The following ARHGAP15 variants were observed in gnomAD, a reference collection of about 807,000 sequenced individuals.
ARHGAP15 encodes the protein Rho GTPase activating protein 15.
A neutral mutation model predicts 63.7 loss-of-function variants in ARHGAP15; 51 were observed. That is an observed-to-expected ratio of 0.80 (90% CI 0.64 to 1.01). The LOEUF (loss-of-function observed/expected upper bound fraction) is 1.01, where lower values mean the gene tolerates loss of function less well. Among genes scored for constraint, ARHGAP15 ranks in the 50% least tolerant of loss-of-function variants. ARHGAP15 has a pLI of 0.00. For synonymous variants in ARHGAP15, 191 were observed against 193.8 expected, an observed-to-expected ratio of 0.99 and a Z score of 0.12; for missense variants, 560 against 564.6, an observed-to-expected ratio of 0.99 and a Z score of 0.08.
At chr2:143,577,906 G>A (rs550710273) in intron 11 of ARHGAP15, among the ~76,000 whole-genome samples, 2 of 152,262 alleles carry the variant, frequency 1.3e-5, no homozygotes, top group East Asian at 3.9e-4. Flanking sequence ...CAACGAGTAA[G>A]TGAATTTTTA....
At chr2:143,514,229 TACTG>T (rs936869657) in intron 9 of ARHGAP15, among the ~76,000 whole-genome samples, 1 of 152,206 alleles carries the variant, frequency 6.6e-6, no homozygotes, top group African/African-American at 2.4e-5. Context: ...ATGAAATAGT[TACTG>T]AATGAATAAA....
intron 2 of ARHGAP15, among the ~76,000 whole-genome samples, chr2:143,165,186 A>G (rs1690451194): frequency 6.6e-6 from 1 of 152,076 alleles, no homozygotes; most frequent in African/African-American, 2.4e-5. Context: ...TGTTTTGTGT[A>G]AGTACCTTTC....
At chr2:143,356,788 A>G (rs1271154874) in intron 6 of ARHGAP15, among the ~76,000 whole-genome samples, 1 of 152,152 alleles carries the variant, frequency 6.6e-6, no homozygotes, top group African/African-American at 2.4e-5. Context: ...GAACACTTGC[A>G]TATACAAAAA....
intron 6 of ARHGAP15, among the ~76,000 whole-genome samples, chr2:143,370,444 CA>C (rs1686499396): frequency 6.6e-6 from 1 of 152,064 alleles, no homozygotes; most frequent in Non-Finnish European, 1.5e-5. Context: ...CACATGTATA[CA>C]TATGTAACTA....
At chr2:143,723,826 A>AG (rs1049164439) in intron 13 of ARHGAP15, among the ~76,000 whole-genome samples, 3 of 152,246 alleles carry the variant, frequency 2.0e-5, no homozygotes, top group Non-Finnish European at 4.4e-5. Flanking sequence ...GTAGACACAG[A>AG]GAAAAACTGT....
chr2:143,309,250 C>G (rs74952529), intron 6 of ARHGAP15, among the ~76,000 whole-genome samples: 3,859 of 152,068 alleles, frequency 0.025, 166 homozygotes, highest in African/African-American at 0.087. Flanking sequence ...GGAACTTTGG[C>G]CAATACATCA....
rs991850188 is a variant in ARHGAP15, at chr2:143,652,970, C to T, written c.1138+28703C>T. On this transcript the variant is annotated intron_variant, in intron 12 of 13. Coordinates refer to ENST00000295095, the MANE Select transcript of ARHGAP15 (RefSeq NM_018460.4). ...GTAGAAATGATGAGAGTGGACATTT[C>T]TGTCCTGTTCTCTTCTTTAGATGGA... is the stretch of plus-strand genomic sequence containing the variant. Among the ~76,000 whole-genome samples the T allele has an allele frequency of 2.0e-5, 3 of 151,998 alleles. 1 individual carries two copies. Among genetic ancestry groups the T allele is most frequent in the Non-Finnish European group, 4.4e-5 (3 of 67,926 alleles).
chr2:143,664,744 G>A (rs866506098), intron 12 of ARHGAP15, among the ~76,000 whole-genome samples: 20 of 152,186 alleles, frequency 1.3e-4, no homozygotes, highest in Admixed American at 5.2e-4. Context: ...TATCACCACC[G>A]ATCCCACAGA....
chr2:143,317,396 GAAAT>G (rs1052312758), intron 6 of ARHGAP15, among the ~76,000 whole-genome samples: 15 of 152,164 alleles, frequency 9.9e-5, no homozygotes, highest in Admixed American at 2.0e-4. Flanking sequence ...ATGCTTTTGA[GAAAT>G]AAATACATGA....
intron 12 of ARHGAP15, among the ~76,000 whole-genome samples, chr2:143,674,973 A>G (rs1199979556): frequency 6.6e-6 from 1 of 152,188 alleles, no homozygotes; most frequent in African/African-American, 2.4e-5. Flanking sequence ...TTCACAAAAA[A>G]TTGCTCTAGC....
At chr2:143,577,485 G>C (rs1179174410) in intron 11 of ARHGAP15, among the ~76,000 whole-genome samples, 1 of 152,014 alleles carries the variant, frequency 6.6e-6, no homozygotes, top group Non-Finnish European at 1.5e-5. Context: ...AAATGATGCA[G>C]CTTCAAGCAT....
At chr2:143,270,488 G>A (rs1238238130) in intron 6 of ARHGAP15, among the ~76,000 whole-genome samples, 5 of 152,132 alleles carry the variant, frequency 3.3e-5, no homozygotes, top group African/African-American at 1.2e-4. Context: ...TATTTAATAT[G>A]TTCATAATTT....
intron 9 of ARHGAP15, among the ~76,000 whole-genome samples, chr2:143,516,466 T>C (rs1309528283): frequency 6.6e-6 from 1 of 152,204 alleles, no homozygotes; most frequent in Non-Finnish European, 1.5e-5. Flanking sequence ...AGGACATTTT[T>C]CTTAGCATTC....
chr2:143,191,871 AC>A (rs1485385149), intron 2 of ARHGAP15, among the ~76,000 whole-genome samples: 2 of 152,236 alleles, frequency 1.3e-5, no homozygotes, highest in Non-Finnish European at 2.9e-5. Flanking sequence ...TAAATGAAGG[AC>A]CCATCTTTTA....
chr2:143,144,784 C>A (rs558672616), intron 1 of ARHGAP15, among the ~76,000 whole-genome samples: 1 of 152,052 alleles, frequency 6.6e-6, no homozygotes, highest in East Asian at 1.9e-4. Context: ...CTTTCATTCC[C>A]AGGAAAATTA....
chr2:143,631,564 ATTAATGATG>A (rs770303246), intron 12 of ARHGAP15, among the ~76,000 whole-genome samples: 4 of 152,110 alleles, frequency 2.6e-5, no homozygotes, highest in Non-Finnish European at 4.4e-5. Flanking sequence ...TTCACTAAAG[ATTAATGATG>A]TTAAGCATCT....
At chr2:143,310,699 A>G (rs1402865753) in intron 6 of ARHGAP15, among the ~76,000 whole-genome samples, 1 of 152,014 alleles carries the variant, frequency 6.6e-6, no homozygotes. Context: ...TTTAATTTAC[A>G]TACTTTATTT....
chr2:143,427,015 C>G (rs1689163718), intron 6 of ARHGAP15, among the ~76,000 whole-genome samples: 1 of 151,404 alleles, frequency 6.6e-6, no homozygotes, highest in Non-Finnish European at 1.5e-5. Flanking sequence ...CTATAAGCAT[C>G]TAATTGTTTC....
chr2:143,673,411 C>T (rs1682631758), intron 12 of ARHGAP15, among the ~76,000 whole-genome samples: 1 of 152,092 alleles, frequency 6.6e-6, no homozygotes, highest in African/African-American at 2.4e-5. Context: ...AATTCTCCTT[C>T]CTCAGCCTAC....
Sources: gnomAD v4.1 joint callset for allele counts (sites outside exome capture counted in the v4.1 genomes callset) on GRCh38, gnomAD v4.1.1 for gene constraint, MANE v1.5 for transcripts, NCBI Gene and HGNC (gene_info 2026-07-23, HGNC 2026-07-21) for gene names.